The following RNF212B variants were observed in gnomAD, a reference collection of about 807,000 sequenced individuals.
RNF212B encodes ring finger protein 212B.
RNF212B carries 52 observed loss-of-function variants against 55.5 expected under a neutral mutation model. The observed-to-expected ratio is 0.94, with a 90% CI of 0.75 to 1.18. The LOEUF (loss-of-function observed/expected upper bound fraction) is 1.18. Among genes scored for constraint, RNF212B ranks in the 50% most tolerant of loss-of-function variants. The pLI is 0.00. For missense variants in RNF212B, 289 were observed against 350.4 expected (o/e 0.82, Z 1.40); for synonymous variants, 99 against 121.4 (o/e 0.82, Z 1.21).
intron 4 of RNF212B, among the ~76,000 whole-genome samples, chr14:23,253,283 A>T (rs938644207): frequency 2.6e-5 from 4 of 152,322 alleles, no homozygotes; most frequent in Non-Finnish European, 2.9e-5. Context: ...CCACATTTTG[A>T]ATTGAGTTTC....
At chr14:23,266,364 T>C (rs541014111) in intron 11 of RNF212B, among the ~76,000 whole-genome samples, 9 of 152,082 alleles carry the variant, frequency 5.9e-5, no homozygotes, top group Admixed American at 5.2e-4. Context: ...TTTCCTACTG[T>C]TATTGATTTT....
At chr14:23,202,857 A>G (rs1390601943) in intron 2 of RNF212B, among the ~76,000 whole-genome samples, 1 of 152,096 alleles carries the variant, frequency 6.6e-6, no homozygotes, top group Non-Finnish European at 1.5e-5. Context: ...CTCAAAAAAA[A>G]AAAAAAAAAA....
chr14:23,217,575 A>C (rs1317237338), intron 2 of RNF212B, among the ~76,000 whole-genome samples: 1 of 152,048 alleles, frequency 6.6e-6, no homozygotes, highest in Non-Finnish European at 1.5e-5. Context: ...ACAGAGAGAG[A>C]GCTTCCATTT....
At chr14:23,187,241 G>A (rs1877686610) in intron 1 of RNF212B, among the ~76,000 whole-genome samples, 1 of 152,212 alleles carries the variant, frequency 6.6e-6, no homozygotes, top group Admixed American at 6.5e-5. Context: ...AAGGCTGTGC[G>A]TAGCTGACAC....
chr14:23,215,698 G>A (rs988037714), intron 2 of RNF212B, among the ~76,000 whole-genome samples: 1 of 152,158 alleles, frequency 6.6e-6, no homozygotes, highest in Admixed American at 6.5e-5. Flanking sequence ...AAGGGGTCAT[G>A]AGCAGATGTA....
intron 5 of RNF212B, among the ~76,000 whole-genome samples, 198 bp downstream of exon 5, chr14:23,258,862 A>C (rs1448810223): frequency 6.6e-6 from 1 of 151,554 alleles, no homozygotes; most frequent in Non-Finnish European, 1.5e-5. Context: ...CTCACTTTAT[A>C]GTTTTCCTCT....
chr14:23,259,568 A>G (rs928316873), intron 5 of RNF212B: 3 of 185,492 alleles, frequency 1.6e-5, no homozygotes, highest in East Asian at 1.3e-4. Context: ...AGCAATCACA[A>G]GATGGAGTCC....
At chr14:23,210,678 G>C (rs1880406519) in intron 2 of RNF212B, among the ~76,000 whole-genome samples, 1 of 148,436 alleles carries the variant, frequency 6.7e-6, no homozygotes, top group African/African-American at 2.5e-5. Flanking sequence ...TCAGGAGGCT[G>C]AGGCAGGAGA....
At chr14:23,244,286 T>C (rs895347513) in intron 3 of RNF212B, 36 bp from the exon 4 acceptor site, 1 of 1,231,488 alleles carries the variant, frequency 8.1e-7, no homozygotes, top group East Asian at 2.6e-5. Context: ...TATTCAATTG[T>C]GGATATTCTC....
intron 2 of RNF212B, among the ~76,000 whole-genome samples, chr14:23,240,673 A>G (rs1883504357): frequency 6.6e-6 from 1 of 152,236 alleles, no homozygotes; most frequent in South Asian, 2.1e-4. Context: ...GAGGACTAGA[A>G]TGTACTCGTT....
intron 2 of RNF212B, among the ~76,000 whole-genome samples, chr14:23,218,738 G>A (rs544911289): frequency 1.3e-5 from 2 of 152,336 alleles, no homozygotes; most frequent in Middle Eastern, 6.8e-3. Flanking sequence ...TAACCTTAAA[G>A]AGGAGGTAGA....
At chr14:23,252,976 T>G (rs1361067897) in intron 4 of RNF212B, among the ~76,000 whole-genome samples, 2 of 152,144 alleles carry the variant, frequency 1.3e-5, no homozygotes, top group Non-Finnish European at 2.9e-5. Flanking sequence ...ATGTAATTCT[T>G]GTTAAACCCT....
chr14:23,227,956 C>G (rs1882186100), intron 2 of RNF212B, among the ~76,000 whole-genome samples: 1 of 151,844 alleles, frequency 6.6e-6, no homozygotes, highest in Non-Finnish European at 1.5e-5. Flanking sequence ...CAATGCCAGG[C>G]ATGGTGGCTC....
intron 9 of RNF212B, among the ~76,000 whole-genome samples, chr14:23,263,717 C>T (rs1026105249): frequency 3.9e-5 from 6 of 152,098 alleles, no homozygotes; most frequent in African/African-American, 9.7e-5. Context: ...AATCCAGCTT[C>T]GGAGACTTTC....
Position 23,260,667 on chromosome 14 carries a change from A to T in RNF212B, c.414A>T (p.Pro138=). The T allele has an allele frequency of 6.5e-7, 1 of 1,550,306 alleles. No individual in the cohort carries two copies. ...GGTTTTTTCACCTATAGGAATCTCC[A>T]AGTCGGTACCAAGGAAGCAGGTCAG... is the stretch of plus-strand genomic sequence containing the variant. The part of the protein sequence containing the change: ...KKFLAILKES[P]SRYQGSRSIT... The change falls in exon 7 of 15, where the codon CCA becomes CCT. Residue 138 remains proline, a synonymous_variant. Transcript: ENST00000430154.
intron 2 of RNF212B, among the ~76,000 whole-genome samples, chr14:23,217,428 C>T (rs1881196741): frequency 6.6e-6 from 1 of 152,302 alleles, no homozygotes; most frequent in African/African-American, 2.4e-5. Context: ...TCCTGGGGAA[C>T]TCGCTGCCCT....
intron 4 of RNF212B, among the ~76,000 whole-genome samples, chr14:23,249,459 T>C (rs755575): frequency 0.38 from 57,729 of 152,018 alleles, 11,589 homozygotes; most frequent in Non-Finnish European, 0.44. Flanking sequence ...GTGGGAGAAT[T>C]GCTTGATCCC....
chr14:23,190,734 G>C (rs1000165876), intron 1 of RNF212B, among the ~76,000 whole-genome samples: 2 of 152,102 alleles, frequency 1.3e-5, no homozygotes, highest in Non-Finnish European at 2.9e-5. Context: ...ATGATCCTTC[G>C]TAATCACAGA....
chr14:23,242,101 A>AG (rs1883632020), intron 2 of RNF212B, among the ~76,000 whole-genome samples: 2 of 127,624 alleles, frequency 1.6e-5, no homozygotes, highest in East Asian at 2.3e-4. Flanking sequence ...AAAAAAAAAA[A>AG]AAAAAAGAAA....
Sources: allele counts gnomAD v4.1 joint callset (sites outside exome capture counted in the v4.1 genomes callset), GRCh38; gene constraint gnomAD v4.1.1; transcripts MANE v1.5; gene names NCBI Gene and HGNC (gene_info 2026-07-23, HGNC 2026-07-21).